The following ZNF324B variants were observed in gnomAD, a reference collection of about 807,000 sequenced individuals.
ZNF324B encodes the protein zinc finger protein 324B.
ZNF324B carries 7 observed loss-of-function variants against 10.6 expected under a neutral mutation model. The ratio of observed to expected loss-of-function variants is 0.66; its 90% CI spans 0.38 to 1.24. The LOEUF is 1.24. Among genes scored for constraint, ZNF324B ranks in the 50% most tolerant of loss-of-function variants. The probability of loss-of-function intolerance (pLI) is 0.02; values close to 1 mark genes in which losing one functional copy is unlikely to be tolerated. For missense variants in ZNF324B, 640 were observed against 764.7 expected, an observed-to-expected ratio of 0.84 and a Z score of 1.92; for synonymous variants, 316 against 321.0, an observed-to-expected ratio of 0.98 and a Z score of 0.17.
chr19:58,455,199 A>G lies in ZNF324B; in HGVS notation c.255A>G (p.Thr85=). The G allele has an allele frequency of 6.2e-7, 1 of 1,614,124 alleles. No individual in the cohort carries two copies. Among genetic ancestry groups the G allele is most frequent in the Non-Finnish European group, 8.5e-7 (1 of 1,180,022 alleles). The change falls in exon 4 of 4, where the codon ACA becomes ACG. Residue 85 remains threonine, a synonymous_variant. Transcript: ENST00000336614. This position sits in a 1 kb window ranked among gnomAD's most constrained non-coding sequence, Gnocchi z 7.0. Reference sequence around the variant, plus strand: ...TGCGTTTAGGTTCCTGGAGTTTGACAGAGGATAGAGATGTTTCTGGAGAAT... The same window carrying G: ...TGCGTTTAGGTTCCTGGAGTTTGACGGAGGATAGAGATGTTTCTGGAGAAT... ...GRLNSGSWSL[T]EDRDVSGEWP...
chr19:58,455,862 C>G lies in ZNF324B; in HGVS notation c.918C>G (p.Ile306Met). ...CGCACTTGACGCAGCACCAGCGCAT[C>G]CACAGCGGCGAGACGCCCTACGCGT... ...QTSHLTQHQRIHSGETPYACP... is the reference protein window; with the variant it reads ...QTSHLTQHQRMHSGETPYACP... Residue 306 changes from isoleucine to methionine, a missense_variant, in exon 4 of 4, where the codon ATC becomes ATG. Physicochemically the swap from Ile to Met is conservative, Grantham distance 10. This residue lies in a region of ZNF324B where 57 missense variants were observed against 118.8 expected (regional missense o/e 0.48). Transcript: ENST00000336614. This position sits in a 1 kb window ranked among gnomAD's most constrained non-coding sequence, Gnocchi z 7.0. 1.2e-5 allele frequency: 19 copies of G among 1,612,264 alleles called. No homozygotes were observed. Among genetic ancestry groups the G allele is most frequent in the Non-Finnish European group, 1.6e-5 (19 of 1,179,106 alleles).
At chr19:58,454,904 T>C (rs2052898201) in intron 3 of ZNF324B, 1 of 594,862 alleles carries the variant, frequency 1.7e-6, no homozygotes, top group Non-Finnish European at 3.1e-6. Context: ...TGTGGAGACG[T>C]GGGTGGCACG....
the ZNF324B span, among the ~76,000 whole-genome samples, chr19:58,426,835 G>A: frequency 1.3e-5 from 2 of 152,300 alleles, no homozygotes; most frequent in Middle Eastern, 3.4e-3. Context: ...CAATAACAGG[G>A]TAGTCAGTAC....
At chr19:58,418,727 A>C in the ZNF324B span, 13 of 152,328 alleles carry the variant, frequency 8.5e-5, no homozygotes, top group African/African-American at 3.1e-4. Flanking sequence ...CTCCTGCTTC[A>C]GCGTATTGAA....
At chr19:58,448,465 C>G (rs546714096), upstream of ZNF324B, among the ~76,000 whole-genome samples, 23 of 152,342 alleles carry the variant, frequency 1.5e-4, 1 homozygote, top group South Asian at 1.5e-3. Flanking sequence ...TGGCTCACGC[C>G]TGTAATCCCA....
rs1406147061 is a variant in ZNF324B at position 58,455,861 on chromosome 19, T to A, written c.917T>A (p.Ile306Asn). ...TCGCACTTGACGCAGCACCAGCGCA[T>A]CCACAGCGGCGAGACGCCCTACGCG... ...QTSHLTQHQR[I>N]HSGETPYACP... The change falls in exon 4 of 4, where the codon ATC becomes AAC. Residue 306 changes from isoleucine to asparagine, a missense_variant. Ile to Asn is a moderately radical substitution (Grantham distance 149). Transcript: ENST00000336614. The surrounding 1 kb of genome is among the most constrained non-coding windows in gnomAD (Gnocchi z 7.0). 1 of 1,612,430 alleles carries A rather than the reference T, an allele frequency of 6.2e-7. No homozygotes were observed. Among genetic ancestry groups the A allele is most frequent in the African/African-American group, 1.3e-5 (1 of 74,846 alleles).
the ZNF324B span, among the ~76,000 whole-genome samples, chr19:58,438,559 C>T: frequency 2.3e-4 from 35 of 151,108 alleles, 1 homozygote; most frequent in East Asian, 5.6e-3. Flanking sequence ...CTGCAAGCTC[C>T]GCCTCCCGGG....
At chr19:58,429,212 G>A in the ZNF324B span, 16 of 152,318 alleles carry the variant, frequency 1.1e-4, no homozygotes, top group Admixed American at 8.5e-4. Context: ...AGGATGAATT[G>A]TTTCAAACCA....
the ZNF324B span, chr19:58,439,740 TG>T: frequency 6.6e-7 from 1 of 1,516,864 alleles, no homozygotes; most frequent in East Asian, 2.6e-5. Flanking sequence ...GGTGAGGGCC[TG>T]GGGCACACTC....
At chr19:58,436,799 G>C in the ZNF324B span, 6 of 627,074 alleles carry the variant, frequency 9.6e-6, no homozygotes, top group African/African-American at 5.4e-5. Flanking sequence ...AGGCAGACTG[G>C]AGGTGTCTGA....
At chr19:58,428,451 C>T in the ZNF324B span, among the ~76,000 whole-genome samples, 1 of 152,178 alleles carries the variant, frequency 6.6e-6, no homozygotes, top group Non-Finnish European at 1.5e-5. Context: ...TGTCTCCCCA[C>T]CCCTTAAGAG....
upstream of ZNF324B, chr19:58,451,573 G>T (rs758333040): frequency 1.9e-6 from 1 of 516,040 alleles, no homozygotes; most frequent in African/African-American, 1.9e-5. Context: ...GTCTGCGCGC[G>T]TATTGGGGCA....
chr19:58,456,533 G>A lies in ZNF324B; in HGVS notation c.1589G>A (p.Arg530His), dbSNP rs773775264. The A allele has an allele frequency of 5.6e-6, 9 of 1,614,018 alleles. No homozygotes were observed. The South Asian group carries it at 6.6e-5, about 12-fold the overall frequency. Reference protein sequence around the residue: ...GFLQGHHRKVRRGGKPSPVLK... With the variant: ...GFLQGHHRKVHRGGKPSPVLK... ...CTTCAGGGACATCATCGGAAGGTGCGCCGGGGAGGGAAGCCAAGCCCAGTC... is the reference window on the plus strand; with the variant it reads ...CTTCAGGGACATCATCGGAAGGTGCACCGGGGAGGGAAGCCAAGCCCAGTC... The change falls in exon 4 of 4, where the codon CGC (arginine) becomes CAC (histidine). Residue 530 changes from arginine to histidine, a missense_variant. Arg to His is a conservative substitution (Grantham distance 29). Transcript: ENST00000336614. This position sits in a 1 kb window ranked among gnomAD's most constrained non-coding sequence, Gnocchi z 4.7.
Position 58,456,717 on chromosome 19 carries a change from G to A in ZNF324B, c.*138G>A. 4.3e-6 allele frequency: 5 copies of A among 1,153,350 alleles called. No homozygotes were observed. The highest frequency in any genetic ancestry group is 4.8e-6 in the Non-Finnish European group (4 of 836,040). The allele number at this position is 1,153,350 out of a possible 1,614,324, so 71.4% of individuals were successfully genotyped here. On this transcript the variant is annotated 3_prime_UTR_variant, in exon 4 of 4. Coordinates refer to ENST00000336614, the MANE Select transcript of ZNF324B (RefSeq NM_207395.3). This position sits in a 1 kb window ranked among gnomAD's most constrained non-coding sequence, Gnocchi z 4.7. ...CAGGGACGAGGGAGACCCTTTGGCTGTGGTTCCATTTGCAGGTGGGGACAG... is the reference window on the plus strand; with the variant it reads ...CAGGGACGAGGGAGACCCTTTGGCTATGGTTCCATTTGCAGGTGGGGACAG...
intron 1 of ZNF324B, chr19:58,452,919 A>T (rs2052874927): frequency 1.3e-5 from 2 of 152,026 alleles, no homozygotes; most frequent in Admixed American, 6.6e-5. Flanking sequence ...TCACACAGTG[A>T]AACCCGGTCT....
the ZNF324B span, chr19:58,443,347 CA>C: frequency 3.7e-4 from 57 of 152,406 alleles, no homozygotes; most frequent in African/African-American, 1.4e-3. Flanking sequence ...AAAAGTTCCC[CA>C]AGTCCCCACT....
At chr19:58,432,433 G>T in the ZNF324B span, 1 of 404,554 alleles carries the variant, frequency 2.5e-6, no homozygotes, top group Non-Finnish European at 4.9e-6. Flanking sequence ...GATGGCATGT[G>T]CCCTAGTTCA....
the ZNF324B span, chr19:58,434,635 C>G: frequency 6.2e-7 from 1 of 1,614,204 alleles, no homozygotes; most frequent in Non-Finnish European, 8.5e-7. Context: ...TAAGAAATTT[C>G]CACCTGTTGG....
Position 58,455,441 on chromosome 19 carries a change from T to C in ZNF324B, c.497T>C (p.Leu166Pro), listed in dbSNP as rs775676721. ...ASISLRLTSP[L>P]RPPKSSRPRE... ...ATCAGCCTGCGACTGACCTCCCCAC[T>C]CAGGCCCCCCAAGAGCAGCCGGCCC... is the stretch of plus-strand genomic sequence containing the variant. The change falls in exon 4 of 4, where the codon CTC becomes CCC. Residue 166 changes from leucine to proline, a missense_variant. By Grantham distance (98) the Leu-to-Pro change is moderately conservative. This residue lies in a region of ZNF324B where 345 missense variants were observed against 387.9 expected (regional missense o/e 0.89). Coordinates refer to ENST00000336614, the MANE Select transcript of ZNF324B (RefSeq NM_207395.3). The surrounding 1 kb of genome is among the most constrained non-coding windows in gnomAD (Gnocchi z 7.0). The C allele has an allele frequency of 1.2e-6, 2 of 1,613,888 alleles. No individual in the cohort carries two copies. Among genetic ancestry groups the C allele is most frequent in the East Asian group, 4.5e-5 (2 of 44,882 alleles).
Sources: allele counts gnomAD v4.1 joint callset (sites outside exome capture counted in the v4.1 genomes callset), GRCh38; gene constraint gnomAD v4.1.1; regional missense constraint gnomAD v4.1.1; non-coding constraint Gnocchi (gnomAD v3.1); transcripts MANE v1.5; gene names NCBI Gene and HGNC (gene_info 2026-07-23, HGNC 2026-07-21).